The following EPB41L4A variants were observed in gnomAD, a reference collection of about 807,000 sequenced individuals.
EPB41L4A encodes erythrocyte membrane protein band 4.1 like 4A.
In EPB41L4A, 100 loss-of-function variants were observed where a neutral mutation model predicts 108.6. The observed-to-expected ratio is 0.92, with a 90% CI of 0.78 to 1.09. The LOEUF is 1.09. Ranked by LOEUF, EPB41L4A falls within the 50% of genes least tolerant of loss-of-function variation. The pLI is 0.00. For synonymous variants in EPB41L4A, 319 were observed against 289.0 expected (o/e 1.10, Z -1.05); for missense variants, 1,030 against 842.7 (o/e 1.22, Z -2.75).
intron 1 of EPB41L4A, among the ~76,000 whole-genome samples, chr5:112,400,818 G>A (rs1038901583): frequency 1.3e-5 from 2 of 152,112 alleles, no homozygotes; most frequent in African/African-American, 2.4e-5. Flanking sequence ...AGAAGGCAAA[G>A]GTATTAACAT....
At chr5:112,309,750 G>A (rs996196985) in intron 1 of EPB41L4A, among the ~76,000 whole-genome samples, 1 of 152,166 alleles carries the variant, frequency 6.6e-6, no homozygotes, top group Admixed American at 6.5e-5. Context: ...GCTCTAAAAA[G>A]CACAGCACTT....
At chr5:112,213,353 G>GTT (rs66953318) in intron 12 of EPB41L4A, among the ~76,000 whole-genome samples, 7 of 144,472 alleles carry the variant, frequency 4.8e-5, no homozygotes, top group African/African-American at 1.8e-4. Flanking sequence ...TTTTTTTTTT[G>GTT]TTTTTTTTTT....
In EPB41L4A at chr5:112,346,828, G is replaced by A. The variant is rs139928493; in HGVS notation, c.100-39338C>T. On this transcript the variant is annotated intron_variant, in intron 1 of 22. Coordinates refer to ENST00000261486, the MANE Select transcript of EPB41L4A (RefSeq NM_022140.5). ...ATTTCAGCAGTCAATACAAGTTTTA[G>A]CCACAGAAATCCCCTCAAGCTTTTT... Among the ~76,000 whole-genome samples the A allele has an allele frequency of 2.5e-3, 376 of 152,266 alleles. 3 individuals carry two copies. Among genetic ancestry groups the A allele is most frequent in the African/African-American group, 8.4e-3 (350 of 41,552 alleles).
At chr5:112,276,018 A>C (rs774664606) in intron 3 of EPB41L4A, among the ~76,000 whole-genome samples, 26 of 152,118 alleles carry the variant, frequency 1.7e-4, no homozygotes, top group Non-Finnish European at 2.9e-4. Flanking sequence ...GAAGAGTACA[A>C]AAAAAATTAC....
chr5:112,177,983 T>C (rs1161675100), intron 18 of EPB41L4A, among the ~76,000 whole-genome samples: 1 of 151,654 alleles, frequency 6.6e-6, no homozygotes, highest in Admixed American at 6.6e-5. Flanking sequence ...CAAATAATTA[T>C]GTTAACTGCT....
chr5:112,159,169 C>CTT (rs147930283), downstream of EPB41L4A, among the ~76,000 whole-genome samples: 56 of 150,334 alleles, frequency 3.7e-4, no homozygotes, highest in African/African-American at 1.3e-3. Flanking sequence ...CCTGAATTTT[C>CTT]TTTTTTTTTT....
At chr5:112,411,736 A>C (rs1762425655) in intron 1 of EPB41L4A, among the ~76,000 whole-genome samples, 2 of 152,214 alleles carry the variant, frequency 1.3e-5, no homozygotes, top group Non-Finnish European at 2.9e-5. Flanking sequence ...GATGGTGACC[A>C]TACAGCACTC....
chr5:112,300,432 C>A (rs1446392542), intron 2 of EPB41L4A, among the ~76,000 whole-genome samples: 1 of 152,132 alleles, frequency 6.6e-6, no homozygotes. Flanking sequence ...AGACAAAATT[C>A]TTGGCTGATA....
At position 112,184,120 on chromosome 5, in the gene EPB41L4A, A is replaced by G. The variant is rs757604600; in HGVS notation, c.1518T>C (p.Asn506=). 1 of 1,613,858 alleles carries G rather than the reference A, an allele frequency of 6.2e-7. No individual in the cohort carries two copies. Among genetic ancestry groups the G allele is most frequent in the Admixed American group, 1.7e-5 (1 of 60,004 alleles). The change falls in exon 18 of 23, where the codon AAT becomes AAC. Residue 506 remains asparagine, a synonymous_variant. Transcript: ENST00000261486. The stretch of plus-strand genomic sequence containing the variant: ...ACTGAGGCGCTGAATCAACCATATC[A>G]TTCTCCTGCCGTATTCTGAAAGGAA... ...RKKRNRIRQE[N]DMVDSAPQWE...
At chr5:112,349,987 G>A (rs1332711695) in intron 1 of EPB41L4A, among the ~76,000 whole-genome samples, 1 of 152,140 alleles carries the variant, frequency 6.6e-6, no homozygotes, top group Non-Finnish European at 1.5e-5. Flanking sequence ...GTGAAGGATG[G>A]GAGACAGCAT....
intron 12 of EPB41L4A, among the ~76,000 whole-genome samples, chr5:112,233,021 T>G (rs1162345756): frequency 6.6e-6 from 1 of 152,184 alleles, no homozygotes; most frequent in African/African-American, 2.4e-5. Flanking sequence ...TAGGTGGTTT[T>G]ATTAAAGACA....
intron 7 of EPB41L4A, among the ~76,000 whole-genome samples, chr5:112,260,845 A>C (rs1358054883): frequency 6.6e-6 from 1 of 152,222 alleles, no homozygotes. Flanking sequence ...AAAGCAATAC[A>C]TTTGGAGGAA....
intron 18 of EPB41L4A, among the ~76,000 whole-genome samples, chr5:112,180,423 T>A (rs1201886382): frequency 6.6e-6 from 1 of 151,946 alleles, no homozygotes; most frequent in African/African-American, 2.4e-5. Flanking sequence ...ATGTGAGCAG[T>A]CAATTCACTT....
intron 2 of EPB41L4A, among the ~76,000 whole-genome samples, chr5:112,302,262 T>G (rs1754413694): frequency 6.6e-6 from 1 of 152,130 alleles, no homozygotes; most frequent in African/African-American, 2.4e-5. Context: ...TCCTAGCACT[T>G]TGGGAGGCTG....
chr5:112,156,992 C>G (rs1013409306), intron 12 of EPB41L4A, among the ~76,000 whole-genome samples: 1 of 151,904 alleles, frequency 6.6e-6, no homozygotes, highest in Admixed American at 6.5e-5. Context: ...ATGGTGTCTG[C>G]GTGGTGATAT....
At chr5:112,216,597 C>T (rs1036390413) in intron 12 of EPB41L4A, among the ~76,000 whole-genome samples, 7 of 152,062 alleles carry the variant, frequency 4.6e-5, no homozygotes, top group Non-Finnish European at 1.0e-4. Flanking sequence ...ATCACATTTT[C>T]TTCCCTTAAC....
chr5:112,240,840 T>G, intron 9 of EPB41L4A, 30 bp from the exon 10 acceptor site: 1 of 1,351,106 alleles, frequency 7.4e-7, no homozygotes, highest in Non-Finnish European at 1.0e-6. Flanking sequence ...AGAATATGAA[T>G]AATGACCAGG....
Position 112,257,039 on chromosome 5 carries a change from C to T in EPB41L4A, c.795+2190G>A, listed in dbSNP as rs1009020597. 7 of 152,196 alleles carry T rather than the reference C, an allele frequency of 4.6e-5. No homozygotes were observed. The East Asian group carries it at 1.4e-3, about 29-fold the overall frequency. The allele number at this position is 152,196 out of a possible 1,614,324, so 9.4% of individuals were successfully genotyped here. A position where few individuals can be genotyped will look rare whatever the true frequency, so the allele number is the denominator to read the frequency against. ...AGTCTTTCTGACCAGACCAGCAAACCAGCAGAATAAGCATTTCAACCATTC... is the reference window on the plus strand; with the variant it reads ...AGTCTTTCTGACCAGACCAGCAAACTAGCAGAATAAGCATTTCAACCATTC... On this transcript the variant is annotated intron_variant, in intron 9 of 22. Transcript: ENST00000261486.
At chr5:112,206,953 C>T (rs1032736507) in intron 13 of EPB41L4A, 2 of 152,166 alleles carry the variant, frequency 1.3e-5, no homozygotes, top group Non-Finnish European at 2.9e-5. Flanking sequence ...AAAATGGACC[C>T]TCCCTCCAAA....
Sources: gnomAD v4.1 joint callset for allele counts (sites outside exome capture counted in the v4.1 genomes callset) on GRCh38, gnomAD v4.1.1 for gene constraint, MANE v1.5 for transcripts, NCBI Gene and HGNC (gene_info 2026-07-23, HGNC 2026-07-21) for gene names.